Variants in CADM2 observed in about 807,000 individuals in gnomAD.
CADM2 encodes the protein cell adhesion molecule 2, also known as immunoglobulin superfamily member 4D.
CADM2 carries 12 observed loss-of-function variants against 49.8 expected under a neutral mutation model. The observed-to-expected ratio is 0.24, with a 90% CI of 0.15 to 0.39. The LOEUF is 0.39. CADM2 is among the 10% of genes least tolerant of loss of function. CADM2 has a pLI of 1.00. For missense variants in CADM2, 378 were observed against 492.3 expected (o/e 0.77, Z 2.20); for synonymous variants, 214 against 175.4 (o/e 1.22, Z -1.74).
chr3:85,447,499 T>C (rs1420638708), intron 1 of CADM2, among the ~76,000 whole-genome samples: 1 of 152,214 alleles, frequency 6.6e-6, no homozygotes, highest in African/African-American at 2.4e-5. Context: ...ATACAGGTAG[T>C]GTATTCTGTA....
At position 86,066,816 on chromosome 3, in the gene CADM2, G is replaced by C. The variant is rs1478324038; in HGVS notation, c.*33G>C. 7.0e-7 allele frequency: 1 copy of C among 1,433,680 alleles called. No homozygotes were observed. The highest frequency in any genetic ancestry group is 1.1e-5 in the South Asian group (1 of 87,292). 88.8% of individuals were successfully genotyped at this position (1,433,680 alleles called of 1,614,324 possible). On this transcript the variant is annotated 3_prime_UTR_variant, in exon 10 of 10. Transcript: ENST00000383699. ...GCCAAGATTCTGAGTTTTACTACCA[G>C]GCTGAATGCTGGAGAAAACTGGCTA... is the stretch of plus-strand genomic sequence containing the variant.
intron 1 of CADM2, among the ~76,000 whole-genome samples, chr3:85,012,103 G>A (rs1345310144): frequency 3.3e-5 from 5 of 150,712 alleles, no homozygotes; most frequent in African/African-American, 1.2e-4. Flanking sequence ...TATTTTAAAG[G>A]GAGAAATAAA....
chr3:85,754,724 A>G (rs2069022233), intron 2 of CADM2, among the ~76,000 whole-genome samples: 1 of 152,230 alleles, frequency 6.6e-6, no homozygotes, highest in African/African-American at 2.4e-5. Context: ...AATAAAAGCC[A>G]TTACTGATTA....
In CADM2 at chr3:85,213,761, A is replaced by G. The variant is rs187447663; in HGVS notation, c.61+254093A>G. Among the ~76,000 whole-genome samples the G allele has an allele frequency of 1.7e-3, 257 of 151,802 alleles. 1 individual carries two copies. Among genetic ancestry groups the G allele is most frequent in the African/African-American group, 6.0e-3 (247 of 41,382 alleles). On this transcript the variant is annotated intron_variant, in intron 1 of 9. Transcript: ENST00000383699. ...TTCTAGACATGTTTCATTATTTTTT[A>G]TACTTTTTTCCTTTGTCTCCTCTGT...
At chr3:85,170,805 C>T (rs1488897498) in intron 1 of CADM2, among the ~76,000 whole-genome samples, 1 of 152,130 alleles carries the variant, frequency 6.6e-6, no homozygotes, top group Non-Finnish European at 1.5e-5. Flanking sequence ...ACTTGAATAA[C>T]TTGGTTGTGA....
At chr3:86,001,171 C>T (rs370749130) in intron 8 of CADM2, among the ~76,000 whole-genome samples, 5 of 152,144 alleles carry the variant, frequency 3.3e-5, no homozygotes, top group African/African-American at 1.2e-4. Context: ...TGGGTGTTGC[C>T]ATTCAGTGAG....
rs571188985 is a variant in CADM2, at chr3:85,105,167, A to C, written c.61+145499A>C. On this transcript the variant is annotated intron_variant, in intron 1 of 9. Transcript: ENST00000383699. ...ATCAGAGGGAACAGGCAACCTACAA[A>C]ATGGGAGAAAATTTTTGCAACCTAC... Among the ~76,000 whole-genome samples the C allele has an allele frequency of 3.9e-5, 6 of 152,222 alleles. No homozygotes were observed. The East Asian group carries it at 1.2e-3, about 29-fold the overall frequency.
intron 1 of CADM2, among the ~76,000 whole-genome samples, chr3:85,170,342 C>CTTT (rs10649749): frequency 0.099 from 14,222 of 144,354 alleles, 865 homozygotes; most frequent in African/African-American, 0.17. Context: ...CTTTTTCTAA[C>CTTT]TTTTTTTTTT....
intron 8 of CADM2, chr3:85,993,649 A>G (rs960751702): frequency 6.6e-6 from 1 of 152,328 alleles, no homozygotes; most frequent in Admixed American, 6.5e-5. Context: ...AGTTAAAATT[A>G]TTCCTTGATC....
At chr3:84,977,283 T>A (rs2031879316) in intron 1 of CADM2, among the ~76,000 whole-genome samples, 1 of 151,956 alleles carries the variant, frequency 6.6e-6, no homozygotes, top group Non-Finnish European at 1.5e-5. Flanking sequence ...GATTTACATA[T>A]AACTAGATAA....
At chr3:85,616,494 G>C (rs571743325) in intron 1 of CADM2, among the ~76,000 whole-genome samples, 9 of 152,106 alleles carry the variant, frequency 5.9e-5, no homozygotes, top group African/African-American at 2.2e-4. Context: ...AGAGTATTTT[G>C]TTACTGTTTC....
At chr3:84,993,976 G>T (rs1396689977) in intron 1 of CADM2, among the ~76,000 whole-genome samples, 3 of 152,210 alleles carry the variant, frequency 2.0e-5, no homozygotes, top group African/African-American at 7.2e-5. Context: ...TTGTTCAAAA[G>T]CTTGCAAATT....
intron 1 of CADM2, among the ~76,000 whole-genome samples, chr3:85,393,914 CT>C (rs2034640971): frequency 6.6e-6 from 1 of 152,168 alleles, no homozygotes; most frequent in African/African-American, 2.4e-5. Context: ...TCACGCCATT[CT>C]CCTGCCTCAG....
intron 1 of CADM2, among the ~76,000 whole-genome samples, chr3:85,179,377 G>T (rs1300200655): frequency 6.6e-6 from 1 of 151,968 alleles, no homozygotes. Context: ...TTCTTATAAT[G>T]TGCATGAGAT....
intron 8 of CADM2, among the ~76,000 whole-genome samples, chr3:86,033,720 T>A (rs1314822308): frequency 6.9e-6 from 1 of 145,888 alleles, no homozygotes; most frequent in South Asian, 2.1e-4. Flanking sequence ...TATATATATA[T>A]AAACTTGAAG....
intron 8 of CADM2, among the ~76,000 whole-genome samples, chr3:85,987,681 A>C (rs1728280710): frequency 1.4e-5 from 2 of 146,752 alleles, no homozygotes; most frequent in Admixed American, 1.4e-4. Flanking sequence ...ATTTATATTT[A>C]TATAAAATAA....
intron 1 of CADM2, among the ~76,000 whole-genome samples, chr3:85,048,835 G>A (rs944466859): frequency 1.3e-5 from 2 of 152,108 alleles, no homozygotes; most frequent in African/African-American, 2.4e-5. Flanking sequence ...CCAAAGTTTG[G>A]TATAGACTGG....
At chr3:85,899,857 T>A (rs1354129751) in intron 5 of CADM2, among the ~76,000 whole-genome samples, 2 of 152,166 alleles carry the variant, frequency 1.3e-5, no homozygotes, top group Non-Finnish European at 2.9e-5. Context: ...TGTCCCAGCC[T>A]CAGTTTCCTT....
intron 9 of CADM2, 87 bp downstream of exon 9, chr3:86,065,817 T>A: frequency 7.6e-7 from 1 of 1,311,786 alleles, no homozygotes; most frequent in Non-Finnish European, 1.1e-6. Flanking sequence ...TGCATATATG[T>A]TTCTGTACAT....
Sources: gnomAD v4.1 joint callset for allele counts (sites outside exome capture counted in the v4.1 genomes callset) on GRCh38, gnomAD v4.1.1 for gene constraint, MANE v1.5 for transcripts, NCBI Gene and HGNC (gene_info 2026-07-23, HGNC 2026-07-21) for gene names.